UST: variants seen among roughly 807,000 people sequenced by gnomAD.
UST encodes uronyl 2-sulfotransferase.
In UST, 21 loss-of-function variants were observed where a neutral mutation model predicts 45.6. The observed-to-expected ratio is 0.46, with a 90% CI of 0.33 to 0.66. The LOEUF (loss-of-function observed/expected upper bound fraction) is 0.66, where lower values mean the gene tolerates loss of function less well. UST is among the 30% of genes least tolerant of loss of function. The pLI is 0.02. For synonymous variants in UST, 215 were observed against 200.6 expected (o/e 1.07, Z -0.61); for missense variants, 463 against 512.4 (o/e 0.90, Z 0.93).
At chr6:148,878,632 A>G (rs1451625225) in intron 1 of UST, among the ~76,000 whole-genome samples, 163 of 45,476 alleles carry the variant, frequency 3.6e-3, no homozygotes, top group Non-Finnish European at 4.8e-3. Flanking sequence ...GAGTGTGGAG[A>G]TCGTGTATGA....
chr6:148,878,605 GTGTGGGTGTCGTGTAT>G (rs1778762112), intron 1 of UST, among the ~76,000 whole-genome samples: 1 of 126,758 alleles, frequency 7.9e-6, no homozygotes, highest in African/African-American at 3.1e-5. Context: ...TCGTGTATTA[GTGTGGGTGTCGTGTAT>G]GAGTGTGGAG....
chr6:148,760,066 T>C (rs1776182641), intron 1 of UST, among the ~76,000 whole-genome samples: 1 of 152,248 alleles, frequency 6.6e-6, no homozygotes, highest in African/African-American at 2.4e-5. Flanking sequence ...ATTTTAAAAA[T>C]TGCAGAAGTC....
chr6:148,863,439 C>T (rs1240788991), intron 1 of UST, among the ~76,000 whole-genome samples: 1 of 152,112 alleles, frequency 6.6e-6, no homozygotes, highest in East Asian at 1.9e-4. Flanking sequence ...GCGATGGGTT[C>T]GAGCATCCTC....
At position 148,858,405 on chromosome 6, in the gene UST, A is replaced by G. The variant is rs1333753659; in HGVS notation, c.248-28581A>G. On this transcript the variant is annotated intron_variant, in intron 1 of 7. Transcript: ENST00000367463. ...GGAGAAAGCTGATTTGATGGTGCCCACCCAGATAGAGGGTGGGTCTGCCTC... is the reference window on the plus strand; with the variant it reads ...GGAGAAAGCTGATTTGATGGTGCCCGCCCAGATAGAGGGTGGGTCTGCCTC... 2.0e-5 allele frequency among the ~76,000 whole-genome samples: 3 copies of G among 152,174 alleles called. No homozygotes were observed. In the East Asian group the frequency reaches 5.8e-4, roughly 29 times the overall value.
chr6:148,862,355 T>C (rs1778336248), intron 1 of UST, among the ~76,000 whole-genome samples: 1 of 152,238 alleles, frequency 6.6e-6, no homozygotes, highest in Non-Finnish European at 1.5e-5. Flanking sequence ...GCTTGGTAGA[T>C]CTTCCTCCAT....
chr6:148,976,455 G>T (rs1396794209), intron 5 of UST, among the ~76,000 whole-genome samples: 6 of 152,126 alleles, frequency 3.9e-5, no homozygotes, highest in Non-Finnish European at 8.8e-5. Context: ...TGCTGTCAAG[G>T]GTACATCAGA....
rs1199257921 is a variant in UST, at chr6:149,075,554, T to G, written c.*1438T>G. On this transcript the variant is annotated 3_prime_UTR_variant, in exon 8 of 8. Transcript: ENST00000367463. ...CAGTCTCACTGTCCTAAGGTATGTC[T>G]TCTTTCCACCTCCCACTGCCCCTCC... is the stretch of plus-strand genomic sequence containing the variant. 6.6e-6 allele frequency: 1 copy of G among 152,230 alleles called. No individual in the cohort carries two copies. The highest frequency in any genetic ancestry group is 1.5e-5 in the Non-Finnish European group (1 of 68,050). The allele number at this position is 152,230 out of a possible 1,614,324, so 9.4% of individuals were successfully genotyped here.
chr6:149,028,742 A>G (rs1215511078), intron 7 of UST, among the ~76,000 whole-genome samples: 1 of 152,208 alleles, frequency 6.6e-6, no homozygotes, highest in East Asian at 1.9e-4. Context: ...TGAGGTTTTT[A>G]TGCCTGAACT....
chr6:148,806,928 C>T (rs904627011), intron 1 of UST, among the ~76,000 whole-genome samples: 1 of 152,186 alleles, frequency 6.6e-6, no homozygotes, highest in Non-Finnish European at 1.5e-5. Context: ...GAGGCCAGAG[C>T]CCCCATGACC....
chr6:148,919,162 C>T (rs920779530), intron 2 of UST, among the ~76,000 whole-genome samples: 7 of 152,168 alleles, frequency 4.6e-5, no homozygotes, highest in Admixed American at 4.6e-4. Flanking sequence ...TAGGATATGT[C>T]TTTCTCCTCC....
chr6:148,817,129 AC>A (rs60656904), intron 1 of UST, among the ~76,000 whole-genome samples: 2,011 of 152,040 alleles, frequency 0.013, 42 homozygotes, highest in African/African-American at 0.045. Context: ...TCTTTCAGAA[AC>A]CCCTTTCCAG....
intron 5 of UST, among the ~76,000 whole-genome samples, chr6:148,989,479 A>G (rs1445481047): frequency 2.0e-5 from 3 of 152,232 alleles, no homozygotes; most frequent in African/African-American, 7.2e-5. Flanking sequence ...CCATGAGACT[A>G]TTACCAAAAT....
chr6:149,031,792 A>G (rs1457344653), intron 7 of UST, among the ~76,000 whole-genome samples: 2 of 152,206 alleles, frequency 1.3e-5, no homozygotes, highest in Non-Finnish European at 2.9e-5. Flanking sequence ...TTTCCTGGGG[A>G]AGGGCAGTAT....
intron 1 of UST, among the ~76,000 whole-genome samples, chr6:148,824,585 T>C (rs1386732750): frequency 6.6e-6 from 1 of 152,114 alleles, no homozygotes; most frequent in African/African-American, 2.4e-5. Context: ...TGTGAGCTAC[T>C]GGGAGATGGT....
chr6:148,768,261 G>A (rs73791005), intron 1 of UST, among the ~76,000 whole-genome samples: 4 of 152,050 alleles, frequency 2.6e-5, no homozygotes, highest in Non-Finnish European at 4.4e-5. Flanking sequence ...GTTTATGCTT[G>A]TAAGACATGG....
intron 7 of UST, among the ~76,000 whole-genome samples, chr6:149,022,002 T>C (rs532367002): frequency 1.5e-4 from 23 of 152,276 alleles, no homozygotes; most frequent in African/African-American, 5.1e-4. Context: ...AAATTGAAAA[T>C]ACAATTATGA....
chr6:148,931,956 G>T (rs764914991), intron 2 of UST, among the ~76,000 whole-genome samples: 1 of 152,228 alleles, frequency 6.6e-6, no homozygotes, highest in African/African-American at 2.4e-5. Context: ...GTTTAGCCTC[G>T]CAAACTTGCA....
At chr6:148,948,227 C>T (rs943105440) in intron 3 of UST, among the ~76,000 whole-genome samples, 1 of 152,234 alleles carries the variant, frequency 6.6e-6, no homozygotes, top group Non-Finnish European at 1.5e-5. Context: ...GGCCAAGGCT[C>T]TTCCTGTGAG....
At chr6:148,849,793 G>A (rs968435829) in intron 1 of UST, among the ~76,000 whole-genome samples, 9 of 152,136 alleles carry the variant, frequency 5.9e-5, no homozygotes, top group Admixed American at 1.3e-4. Context: ...CCCTTGACAC[G>A]TGGGGATTAT....
Sources: gnomAD v4.1 joint callset for allele counts (sites outside exome capture counted in the v4.1 genomes callset) on GRCh38, gnomAD v4.1.1 for gene constraint, MANE v1.5 for transcripts, NCBI Gene and HGNC (gene_info 2026-07-23, HGNC 2026-07-21) for gene names.